CBLB: variants seen among roughly 807,000 people sequenced by gnomAD.
The protein encoded by CBLB is E3 ubiquitin-protein ligase CBL-B.
Under a neutral mutation model 104.9 loss-of-function variants are expected in CBLB, and 31 were observed. That is an observed-to-expected ratio of 0.30 (90% CI 0.22 to 0.40). CBLB has a LOEUF of 0.40. CBLB is among the 10% of genes least tolerant of loss of function. CBLB has a pLI of 1.00. For missense variants in CBLB, 1,062 were observed against 1,214.6 expected, an observed-to-expected ratio of 0.87 and a Z score of 1.87; for synonymous variants, 440 against 422.6, an observed-to-expected ratio of 1.04 and a Z score of -0.51.
At chr3:105,832,737 A>T (rs1372058492) in intron 3 of CBLB, among the ~76,000 whole-genome samples, 3 of 152,168 alleles carry the variant, frequency 2.0e-5, no homozygotes, top group Admixed American at 1.3e-4. Flanking sequence ...ACTAAATAGG[A>T]TGTAGCTCAA....
intron 4 of CBLB, among the ~76,000 whole-genome samples, chr3:105,760,499 T>C (rs2077512832): frequency 6.6e-6 from 1 of 152,102 alleles, no homozygotes; most frequent in Admixed American, 6.5e-5. Context: ...ACCTTTGATA[T>C]GCTGAAATCA....
chr3:105,747,305 A>G (rs1403446887), intron 5 of CBLB, among the ~76,000 whole-genome samples: 1 of 152,216 alleles, frequency 6.6e-6, no homozygotes, highest in Non-Finnish European at 1.5e-5. Context: ...AAGCTGTTAA[A>G]GCAGTCATCC....
At chr3:105,800,197 C>T (rs2082679455) in intron 3 of CBLB, among the ~76,000 whole-genome samples, 1 of 152,138 alleles carries the variant, frequency 6.6e-6, no homozygotes, top group Non-Finnish European at 1.5e-5. Context: ...ATGTTACAAT[C>T]ACCTGGCTAT....
chr3:105,738,948 T>C (rs563133485), intron 7 of CBLB, among the ~76,000 whole-genome samples: 7 of 152,358 alleles, frequency 4.6e-5, no homozygotes, highest in African/African-American at 1.7e-4. Flanking sequence ...CTCACTCTGA[T>C]GCACAGGCTG....
Position 105,821,930 on chromosome 3 carries a change from G to C in CBLB, c.419+31484C>G, listed in dbSNP as rs114290504. ...TCTGCATCTGTGTGTATCTCTGCTT[G>C]CCTCAATGTTATGATACTAAACACA... On this transcript the variant is annotated intron_variant, in intron 3 of 18. Transcript: ENST00000394030. 3.1e-3 allele frequency among the ~76,000 whole-genome samples: 464 copies of C among 152,022 alleles called. 3 individuals carry two copies. Among genetic ancestry groups the C allele is most frequent in the African/African-American group, 0.01 (434 of 41,440 alleles).
intron 9 of CBLB, among the ~76,000 whole-genome samples, chr3:105,720,566 A>C (rs2072659774): frequency 6.6e-6 from 1 of 152,202 alleles, no homozygotes; most frequent in Non-Finnish European, 1.5e-5. Context: ...TAGAGTCCTG[A>C]AGAAAACTGG....
chr3:105,765,145 C>A (rs1320127239), intron 4 of CBLB, among the ~76,000 whole-genome samples: 1 of 152,098 alleles, frequency 6.6e-6, no homozygotes, highest in Non-Finnish European at 1.5e-5. Context: ...CACAAAACAA[C>A]AGATAATTAA....
At chr3:105,869,146 C>G (rs983793083), upstream of CBLB, 5 of 691,100 alleles carry the variant, frequency 7.2e-6, no homozygotes, top group Non-Finnish European at 1.0e-5. Context: ...ACGGGAGGCG[C>G]CCGTCCTCCT....
intron 3 of CBLB, among the ~76,000 whole-genome samples, chr3:105,841,295 C>CAA (rs370002853): frequency 9.5e-4 from 118 of 123,874 alleles, no homozygotes; most frequent in South Asian, 1.8e-3. Flanking sequence ...GACTTCATTT[C>CAA]AAAAAAAAAA....
chr3:105,687,811 G>C (rs2067192440), intron 13 of CBLB, among the ~76,000 whole-genome samples: 1 of 147,386 alleles, frequency 6.8e-6, no homozygotes, highest in Non-Finnish European at 1.5e-5. Context: ...ATCTTATCCA[G>C]TTCTGAAAAA....
intron 3 of CBLB, among the ~76,000 whole-genome samples, chr3:105,781,781 G>A (rs1474211509): frequency 6.6e-6 from 1 of 152,188 alleles, no homozygotes; most frequent in South Asian, 2.1e-4. Flanking sequence ...CTGTGAGGAT[G>A]TGCTGCTTTT....
intron 3 of CBLB, among the ~76,000 whole-genome samples, chr3:105,838,709 G>C (rs1355127136): frequency 4.1e-5 from 6 of 147,022 alleles, no homozygotes; most frequent in Non-Finnish European, 8.9e-5. Flanking sequence ...GAGTGTAGTA[G>C]TGTGAACTCG....
chr3:105,709,499 T>C (rs1021384691), intron 10 of CBLB, among the ~76,000 whole-genome samples: 1 of 151,870 alleles, frequency 6.6e-6, no homozygotes, highest in East Asian at 1.9e-4. Context: ...CACCTACATA[T>C]AGCCATTGGT....
chr3:105,794,453 A>G (rs1245603570), intron 3 of CBLB, among the ~76,000 whole-genome samples: 1 of 152,206 alleles, frequency 6.6e-6, no homozygotes, highest in Non-Finnish European at 1.5e-5. Flanking sequence ...CTTCTGTAAC[A>G]GTCTTTTAGG....
intron 2 of CBLB, among the ~76,000 whole-genome samples, chr3:105,866,549 C>CA (rs776951420): frequency 7.9e-5 from 12 of 151,598 alleles, no homozygotes; most frequent in Admixed American, 2.0e-4. Flanking sequence ...GCTACTGCTT[C>CA]AAAAAAAAGA....
At chr3:105,816,918 A>G (rs1345307382) in intron 3 of CBLB, among the ~76,000 whole-genome samples, 1 of 152,132 alleles carries the variant, frequency 6.6e-6, no homozygotes, top group African/African-American at 2.4e-5. Context: ...TTTGATATAT[A>G]TACATCAGTA....
At chr3:105,845,531 T>C (rs1185146495) in intron 3 of CBLB, among the ~76,000 whole-genome samples, 1 of 151,766 alleles carries the variant, frequency 6.6e-6, no homozygotes, top group Non-Finnish European at 1.5e-5. Flanking sequence ...TTGTAAAATA[T>C]ACCCTAGAGA....
At chr3:105,668,380 T>G (rs34520191) in intron 18 of CBLB, among the ~76,000 whole-genome samples, 39,086 of 151,868 alleles carry the variant, frequency 0.26, 5,135 homozygotes, top group Admixed American at 0.27. Context: ...AAAGAAGCTG[T>G]GAAAACACTG....
intron 6 of CBLB, among the ~76,000 whole-genome samples, chr3:105,742,577 C>T (rs374414096): frequency 1.3e-5 from 2 of 151,930 alleles, no homozygotes; most frequent in East Asian, 1.9e-4. Flanking sequence ...CAGAGACCTA[C>T]GGCTATGATA....
Sources: allele counts gnomAD v4.1 joint callset (sites outside exome capture counted in the v4.1 genomes callset), GRCh38; gene constraint gnomAD v4.1.1; transcripts MANE v1.5; gene names NCBI Gene and HGNC (gene_info 2026-07-23, HGNC 2026-07-21).